Variants in ADAM18 observed in about 807,000 individuals in gnomAD.
The protein encoded by ADAM18 is disintegrin and metalloproteinase domain-containing protein 18.
In ADAM18, 117 loss-of-function variants were observed where a neutral mutation model predicts 94.4. The ratio of observed to expected loss-of-function variants is 1.24; its 90% CI spans 1.07 to 1.45. ADAM18 has a LOEUF of 1.45. Ranked by LOEUF, ADAM18 falls within the 40% of genes most tolerant of loss-of-function variation. ADAM18 has a pLI of 0.00. For missense variants in ADAM18, 936 were observed against 880.0 expected, an observed-to-expected ratio of 1.06 and a Z score of -0.81; for synonymous variants, 327 against 291.6, an observed-to-expected ratio of 1.12 and a Z score of -1.24.
chr8:39,668,886 G>A (rs1049168592), intron 14 of ADAM18, among the ~76,000 whole-genome samples: 25 of 151,960 alleles, frequency 1.6e-4, no homozygotes, highest in African/African-American at 4.1e-4. Flanking sequence ...AATATAATTT[G>A]TACCAAATTA....
At chr8:39,689,823 C>T (rs1821719352) in intron 16 of ADAM18, among the ~76,000 whole-genome samples, 1 of 152,110 alleles carries the variant, frequency 6.6e-6, no homozygotes, top group Non-Finnish European at 1.5e-5. Flanking sequence ...TTCTTCCTGT[C>T]CTTGAGCATG....
At chr8:39,692,975 C>A (rs1821822403) in intron 17 of ADAM18, among the ~76,000 whole-genome samples, 1 of 151,576 alleles carries the variant, frequency 6.6e-6, no homozygotes. Context: ...CTCCCACACA[C>A]ATTTAATAAT....
chr8:39,725,078 A>T lies in ADAM18; in HGVS notation c.2177+1171A>T, dbSNP rs372568628. Reference sequence around the variant, plus strand: ...CCCACTGCGTGGTGGGGAGTTCTATAGAATACAGGTAGGTCAAGGTGGTTG... The same window carrying T: ...CCCACTGCGTGGTGGGGAGTTCTATTGAATACAGGTAGGTCAAGGTGGTTG... On this transcript the variant is annotated intron_variant, in intron 19 of 19. Transcript: ENST00000265707. Among the ~76,000 whole-genome samples, 161 of 152,168 alleles carry T rather than the reference A, an allele frequency of 1.1e-3. 3 individuals are homozygous for T. The highest frequency in any genetic ancestry group is 3.8e-3 in the African/African-American group (157 of 41,564).
chr8:39,661,040 T>C (rs1298252221), intron 12 of ADAM18, among the ~76,000 whole-genome samples: 1 of 152,104 alleles, frequency 6.6e-6, no homozygotes, highest in African/African-American at 2.4e-5. Context: ...CTGCTTCCTT[T>C]TGGGATTCTA....
intron 18 of ADAM18, among the ~76,000 whole-genome samples, chr8:39,717,895 C>T (rs1210740661): frequency 6.6e-6 from 1 of 151,302 alleles, no homozygotes; most frequent in Non-Finnish European, 1.5e-5. Flanking sequence ...GAACAAAATA[C>T]CTTATAACTT....
chr8:39,633,809 A>G (rs1043145680), intron 7 of ADAM18, among the ~76,000 whole-genome samples: 10 of 151,572 alleles, frequency 6.6e-5, no homozygotes, highest in African/African-American at 2.4e-4. Context: ...AAAGATTTGA[A>G]AAACTCTCAG....
At chr8:39,647,408 A>G (rs1410702574) in intron 11 of ADAM18, among the ~76,000 whole-genome samples, 2 of 152,216 alleles carry the variant, frequency 1.3e-5, no homozygotes, top group Non-Finnish European at 2.9e-5. Context: ...GCCTCCCGCC[A>G]TAGGGCGGTT....
At chr8:39,718,939 G>A (rs1822661565) in intron 18 of ADAM18, among the ~76,000 whole-genome samples, 1 of 151,232 alleles carries the variant, frequency 6.6e-6, no homozygotes, top group Non-Finnish European at 1.5e-5. Flanking sequence ...ATCCATATAA[G>A]AAAATTTCTG....
At chr8:39,632,587 A>G (rs1049027642) in intron 7 of ADAM18, among the ~76,000 whole-genome samples, 1 of 152,110 alleles carries the variant, frequency 6.6e-6, no homozygotes, top group African/African-American at 2.4e-5. Context: ...TTTAGGATTT[A>G]TGTTCATGAA....
intron 2 of ADAM18, among the ~76,000 whole-genome samples, chr8:39,594,793 G>GT (rs71237182): frequency 0.025 from 1,160 of 46,838 alleles, 35 homozygotes; most frequent in African/African-American, 0.08. Flanking sequence ...TTTGCTGTGA[G>GT]TTTTTTTTTT....
intron 16 of ADAM18, among the ~76,000 whole-genome samples, chr8:39,687,001 A>T (rs1821624545): frequency 6.6e-6 from 1 of 151,196 alleles, no homozygotes; most frequent in Admixed American, 6.6e-5. Context: ...ATAGATTCCT[A>T]TTTTTTTTTA....
At chr8:39,655,118 A>G (rs142309755) in intron 12 of ADAM18, among the ~76,000 whole-genome samples, 2 of 152,078 alleles carry the variant, frequency 1.3e-5, no homozygotes, top group East Asian at 3.9e-4. Context: ...AATTTCCCGT[A>G]GTGTTTCCAC....
intron 6 of ADAM18, among the ~76,000 whole-genome samples, chr8:39,626,652 A>T (rs1819778062): frequency 6.6e-6 from 1 of 151,990 alleles, no homozygotes; most frequent in African/African-American, 2.4e-5. Context: ...TCTTGAGTTT[A>T]TTGTTAACCC....
chr8:39,663,875 T>C lies in ADAM18; in HGVS notation c.1311T>C (p.Cys437=), dbSNP rs1468847648. The part of the protein sequence containing the change: ...GSVKCGSGPC[C]TSKCELSIAG... The stretch of plus-strand genomic sequence containing the variant: ...TAAAATGTGGTTCTGGACCATGTTG[T>C]ACATCAAAGTGTGAGGTAAGTTACT... The change falls in exon 13 of 20, where the codon TGT becomes TGC. Residue 437 remains cysteine (C), a synonymous_variant. Transcript: ENST00000265707. 1 of 1,610,588 alleles carries C rather than the reference T, an allele frequency of 6.2e-7. No individual in the cohort carries two copies. Among genetic ancestry groups the C allele is most frequent in the Non-Finnish European group, 8.5e-7 (1 of 1,178,784 alleles).
chr8:39,686,638 T>C (rs1265401403), intron 16 of ADAM18, among the ~76,000 whole-genome samples: 1 of 152,226 alleles, frequency 6.6e-6, no homozygotes, highest in Non-Finnish European at 1.5e-5. Context: ...GTTTCCTTTT[T>C]CATTTCTAAA....
At chr8:39,684,040 GA>G (rs1190191138) in intron 16 of ADAM18, among the ~76,000 whole-genome samples, 1 of 152,102 alleles carries the variant, frequency 6.6e-6, no homozygotes, top group Non-Finnish European at 1.5e-5. Context: ...AGCTACTTGG[GA>G]GGCTGAAGCA....
intron 17 of ADAM18, among the ~76,000 whole-genome samples, chr8:39,693,737 A>G (rs1048338077): frequency 2.0e-5 from 3 of 151,326 alleles, no homozygotes; most frequent in African/African-American, 7.2e-5. Flanking sequence ...AAGGAAATAC[A>G]TAAGGTAAAA....
At position 39,703,202 on chromosome 8, in the gene ADAM18, A is replaced by G. The variant is rs149022548; in HGVS notation, c.1903-3588A>G. 5.1e-3 allele frequency among the ~76,000 whole-genome samples: 770 copies of G among 152,166 alleles called. 8 individuals carry two copies. Among genetic ancestry groups the G allele is most frequent in the African/African-American group, 0.018 (742 of 41,512 alleles). Reference sequence around the variant, plus strand: ...TCTTGTAGAGACCTTTCACCTGCCTAGTTAGCTGTATTCCTAGGTATTTTA... The same window carrying G: ...TCTTGTAGAGACCTTTCACCTGCCTGGTTAGCTGTATTCCTAGGTATTTTA... On this transcript the variant is annotated intron_variant, in intron 17 of 19. Transcript: ENST00000265707.
chr8:39,643,754 T>C (rs536824040), intron 10 of ADAM18, among the ~76,000 whole-genome samples: 3 of 151,894 alleles, frequency 2.0e-5, no homozygotes, highest in Non-Finnish European at 4.4e-5. Context: ...TCACATGAAG[T>C]TCTTTCTGTG....
Sources: allele counts gnomAD v4.1 joint callset (sites outside exome capture counted in the v4.1 genomes callset), GRCh38; gene constraint gnomAD v4.1.1; transcripts MANE v1.5; gene names NCBI Gene and HGNC (gene_info 2026-07-23, HGNC 2026-07-21).